Variants in SOX6 observed in about 807,000 individuals in gnomAD.
SOX6 encodes the protein SRY-box transcription factor 6.
A neutral mutation model predicts 97.8 loss-of-function variants in SOX6; 11 were observed. That is an observed-to-expected ratio of 0.11 (90% CI 0.07 to 0.19). The LOEUF (loss-of-function observed/expected upper bound fraction) is 0.19. Among genes scored for constraint, SOX6 ranks in the 10% least tolerant of loss-of-function variants. The pLI is 1.00. For synonymous variants in SOX6, 360 were observed against 371.4 expected (o/e 0.97, Z 0.35); for missense variants, 810 against 1,039.5 (o/e 0.78, Z 3.04).
At chr11:16,047,701 CGTGT>C (rs68008241) in intron 11 of SOX6, among the ~76,000 whole-genome samples, 2,780 of 145,714 alleles carry the variant, frequency 0.019, 42 homozygotes, top group African/African-American at 0.039. Context: ...CATTTCATAG[CGTGT>C]GTGTGTGTGT....
chr11:16,159,780 T>C (rs141536852), intron 6 of SOX6, among the ~76,000 whole-genome samples: 82 of 152,302 alleles, frequency 5.4e-4, no homozygotes, highest in African/African-American at 1.9e-3. Flanking sequence ...AGACTTTTGA[T>C]AAGTCTGTTT....
chr11:16,068,100 C>T (rs1343953743), intron 9 of SOX6, among the ~76,000 whole-genome samples: 3 of 152,062 alleles, frequency 2.0e-5, no homozygotes, highest in South Asian at 2.1e-4. Flanking sequence ...AAGTAGGGTA[C>T]GGTAGGGTAG....
chr11:16,046,972 C>T (rs559932215), intron 11 of SOX6, among the ~76,000 whole-genome samples: 1 of 152,234 alleles, frequency 6.6e-6, no homozygotes, highest in East Asian at 1.9e-4. Flanking sequence ...TTCCTAGACT[C>T]CAATTGTATA....
At chr11:16,146,421 C>T (rs544453387) in intron 6 of SOX6, among the ~76,000 whole-genome samples, 1 of 152,274 alleles carries the variant, frequency 6.6e-6, no homozygotes, top group Non-Finnish European at 1.5e-5. Flanking sequence ...CTAGGCAATA[C>T]CATTCAGGAC....
At chr11:16,276,214 C>G (rs1456432744) in intron 3 of SOX6, among the ~76,000 whole-genome samples, 1 of 152,108 alleles carries the variant, frequency 6.6e-6, no homozygotes, top group Non-Finnish European at 1.5e-5. Flanking sequence ...AAAAATATGA[C>G]TTCTCAGATT....
At chr11:16,678,709 G>A (rs934905429) in intron 3 of SOX6, among the ~76,000 whole-genome samples, 4 of 152,142 alleles carry the variant, frequency 2.6e-5, no homozygotes, top group South Asian at 2.1e-4. Flanking sequence ...AAGGGAAGCC[G>A]TGACAAACTG....
chr11:16,653,574 G>T (rs1009001257), intron 3 of SOX6, among the ~76,000 whole-genome samples: 3 of 152,114 alleles, frequency 2.0e-5, no homozygotes, highest in Admixed American at 1.3e-4. Flanking sequence ...TAAGCTATGA[G>T]GATACAAAGG....
At chr11:16,421,626 T>A (rs971514328) in intron 1 of SOX6, among the ~76,000 whole-genome samples, 1 of 152,210 alleles carries the variant, frequency 6.6e-6, no homozygotes, top group East Asian at 1.9e-4. Flanking sequence ...AATGATATTG[T>A]ACAAAAGAAA....
intron 15 of SOX6, among the ~76,000 whole-genome samples, chr11:15,980,884 T>A (rs59749270): frequency 0.1 from 15,310 of 152,132 alleles, 2,478 homozygotes; most frequent in African/African-American, 0.34. Flanking sequence ...TGTATGTGTG[T>A]GTATAAGACA....
At chr11:16,495,368 CCCATATGTA>C (rs1211149968) in intron 4 of SOX6, among the ~76,000 whole-genome samples, 5 of 152,292 alleles carry the variant, frequency 3.3e-5, no homozygotes. Flanking sequence ...AAAACTAGTG[CCCATATGTA>C]CCACCAAGGG....
intron 4 of SOX6, among the ~76,000 whole-genome samples, chr11:16,499,447 A>T (rs1860664169): frequency 6.6e-6 from 1 of 152,208 alleles, no homozygotes; most frequent in African/African-American, 2.4e-5. Context: ...AAGGCAAGAA[A>T]TAACTAAGAT....
chr11:16,122,504 T>C (rs569038766), intron 6 of SOX6, among the ~76,000 whole-genome samples: 32 of 152,162 alleles, frequency 2.1e-4, no homozygotes, highest in African/African-American at 6.5e-4. Flanking sequence ...TAATATGGCA[T>C]TCCTTTCTTT....
intron 3 of SOX6, among the ~76,000 whole-genome samples, chr11:16,632,783 C>A (rs566859312): frequency 6.6e-6 from 1 of 152,212 alleles, no homozygotes; most frequent in African/African-American, 2.4e-5. Flanking sequence ...TCCAGATGTC[C>A]GGAGATCTGC....
chr11:16,600,391 T>C (rs1848254586), intron 4 of SOX6, among the ~76,000 whole-genome samples: 1 of 152,174 alleles, frequency 6.6e-6, no homozygotes, highest in African/African-American at 2.4e-5. Context: ...TGGTGTAAAG[T>C]TGGATATTTT....
At chr11:16,557,430 A>G (rs1394875963) in intron 4 of SOX6, among the ~76,000 whole-genome samples, 1 of 151,968 alleles carries the variant, frequency 6.6e-6, no homozygotes, top group East Asian at 1.9e-4. Flanking sequence ...TTTCTTCTGG[A>G]CTATACACCA....
intron 4 of SOX6, among the ~76,000 whole-genome samples, chr11:16,597,641 G>T (rs1178679412): frequency 6.6e-6 from 1 of 151,462 alleles, no homozygotes; most frequent in African/African-American, 2.4e-5. Flanking sequence ...GATTGAGATG[G>T]GTATATTTGA....
upstream of SOX6, among the ~76,000 whole-genome samples, chr11:16,479,831 C>T (rs78612768): frequency 5.6e-3 from 847 of 152,012 alleles, 9 homozygotes; most frequent in African/African-American, 0.02. Context: ...CTGTCTATAT[C>T]CTTTGAGATT....
chr11:16,147,568 T>C (rs1474151699), intron 6 of SOX6, among the ~76,000 whole-genome samples: 1 of 152,042 alleles, frequency 6.6e-6, no homozygotes, highest in South Asian at 2.1e-4. Flanking sequence ...GGGAAAAGGA[T>C]GGTGGAGTTT....
intron 2 of SOX6, among the ~76,000 whole-genome samples, chr11:16,339,111 T>C (rs1249780807): frequency 6.6e-6 from 1 of 152,048 alleles, no homozygotes; most frequent in Non-Finnish European, 1.5e-5. Flanking sequence ...ATCCAAGCCA[T>C]TCATCTCTCA....
Sources: allele counts gnomAD v4.1 joint callset (sites outside exome capture counted in the v4.1 genomes callset), GRCh38; gene constraint gnomAD v4.1.1; transcripts MANE v1.5; gene names NCBI Gene and HGNC (gene_info 2026-07-23, HGNC 2026-07-21).